CNOT8: variants seen among roughly 807,000 people sequenced by gnomAD.
CNOT8 encodes CCR4-NOT transcription complex subunit 8.
A neutral mutation model predicts 34.6 loss-of-function variants in CNOT8; 18 were observed. That is an observed-to-expected ratio of 0.52 (90% CI 0.36 to 0.77). The LOEUF (loss-of-function observed/expected upper bound fraction) is 0.77. Ranked by LOEUF, CNOT8 falls within the 30% of genes least tolerant of loss-of-function variation. The pLI, the probability that CNOT8 is intolerant of heterozygous loss-of-function variation, is 0.00. For synonymous variants in CNOT8, 101 were observed against 118.8 expected (o/e 0.85, Z 0.98); for missense variants, 189 against 347.9 (o/e 0.54, Z 3.63).
chr5:154,863,538 T>C, intron 2 of CNOT8, 143 bp downstream of exon 2: 1 of 682,776 alleles, frequency 1.5e-6, no homozygotes. Flanking sequence ...CAAGCAGTCC[T>C]CCCACCTCAC....
rs903562993 is a variant in CNOT8 at position 154,876,676 on chromosome 5, A to G, written c.*1237A>G. The G allele has an allele frequency of 1.3e-5, 2 of 152,566 alleles. No homozygotes were observed. The highest frequency in any genetic ancestry group is 4.8e-5 in the African/African-American group (2 of 41,412). 9.5% of individuals were successfully genotyped at this position (152,566 alleles called of 1,614,324 possible). On this transcript the variant is annotated 3_prime_UTR_variant, in exon 7 of 7. Transcript: ENST00000285896. ...CTTGCATTTTAAAAGCTTATGGGAA[A>G]CTCAATTTGAAATGATTAGAAAATG...
chr5:154,866,622 C>G (rs1054174645), intron 3 of CNOT8, among the ~76,000 whole-genome samples: 11 of 152,060 alleles, frequency 7.2e-5, no homozygotes, highest in African/African-American at 2.4e-4. Context: ...TGTTTACTTG[C>G]AGCCGGGCGT....
At chr5:154,864,010 G>A (rs1248690800) in intron 2 of CNOT8, among the ~76,000 whole-genome samples, 1 of 152,032 alleles carries the variant, frequency 6.6e-6, no homozygotes, top group Non-Finnish European at 1.5e-5. Flanking sequence ...ACACTGGCTG[G>A]AGAGAGAGAT....
intron 2 of CNOT8, among the ~76,000 whole-genome samples, chr5:154,863,602 CCTT>C (rs1484471580): frequency 6.6e-6 from 1 of 152,154 alleles, no homozygotes; most frequent in African/African-American, 2.4e-5. Flanking sequence ...GCTTGACTCA[CCTT>C]CTTATATGGA....
intron 3 of CNOT8, among the ~76,000 whole-genome samples, chr5:154,865,843 A>G (rs1403268705): frequency 6.6e-6 from 1 of 152,248 alleles, no homozygotes; most frequent in Non-Finnish European, 1.5e-5. Context: ...TAGAGTTGCC[A>G]TATGACCTAG....
chr5:154,874,136 A>G (rs1368810910), intron 6 of CNOT8, among the ~76,000 whole-genome samples: 1 of 152,158 alleles, frequency 6.6e-6, no homozygotes, highest in African/African-American at 2.4e-5. Context: ...AGCCCAGCCC[A>G]TTGCTCTGCC....
At chr5:154,871,579 AAAG>A in intron 4 of CNOT8, 148 bp from the exon 5 acceptor site, 1 of 649,498 alleles carries the variant, frequency 1.5e-6, no homozygotes, top group Non-Finnish European at 2.5e-6. Flanking sequence ...AAAAAAAAAA[AAAG>A]ATTCAGATTA....
chr5:154,863,223 T>G lies in CNOT8; in HGVS notation c.-56T>G, dbSNP rs1761524610. 1 of 1,193,016 alleles carries G rather than the reference T, an allele frequency of 8.4e-7. No individual in the cohort carries two copies. The highest frequency in any genetic ancestry group is 1.3e-6 in the Non-Finnish European group (1 of 797,000). 73.9% of individuals were successfully genotyped at this position (1,193,016 alleles called of 1,614,324 possible). Reference sequence around the variant, plus strand: ...ACAATCTAGATCAGACCAAACATTGTCTGGCTTGCACTGTAAAACTAGTTA... The same window carrying G: ...ACAATCTAGATCAGACCAAACATTGGCTGGCTTGCACTGTAAAACTAGTTA... On this transcript the variant is annotated 5_prime_UTR_variant, in exon 2 of 7. Coordinates refer to ENST00000285896, the MANE Select transcript of CNOT8 (RefSeq NM_001301073.2).
intron 6 of CNOT8, among the ~76,000 whole-genome samples, chr5:154,873,875 T>TG (rs2113401456): frequency 6.6e-6 from 1 of 152,272 alleles, no homozygotes; most frequent in African/African-American, 2.4e-5. Flanking sequence ...CACAATCTGG[T>TG]GGGGGAGAGT....
intron 6 of CNOT8, among the ~76,000 whole-genome samples, chr5:154,873,876 G>T (rs778314783): frequency 2.6e-5 from 4 of 152,144 alleles, no homozygotes; most frequent in African/African-American, 7.2e-5. Context: ...ACAATCTGGT[G>T]GGGGAGAGTG....
intron 3 of CNOT8, among the ~76,000 whole-genome samples, chr5:154,870,259 GT>G (rs956854767): frequency 1.3e-4 from 19 of 147,464 alleles, no homozygotes; most frequent in South Asian, 2.1e-4. Context: ...TGTTTGTTTT[GT>G]TTTTTTTGAG....
intron 6 of CNOT8, 60 bp from the exon 7 acceptor site, chr5:154,875,230 T>A: frequency 6.3e-7 from 1 of 1,578,892 alleles, no homozygotes; most frequent in South Asian, 1.1e-5. Context: ...TGTGATAATA[T>A]TTATACTTGT....
At chr5:154,874,868 T>C (rs992666778) in intron 6 of CNOT8, among the ~76,000 whole-genome samples, 1 of 151,896 alleles carries the variant, frequency 6.6e-6, no homozygotes, top group Non-Finnish European at 1.5e-5. Context: ...TTTTCTAGTT[T>C]GGTATATTTT....
At chr5:154,862,913 T>C (rs186658999) in intron 1 of CNOT8, among the ~76,000 whole-genome samples, 16 of 152,330 alleles carry the variant, frequency 1.1e-4, no homozygotes, top group Admixed American at 2.6e-4. Flanking sequence ...TATTTTGGTC[T>C]AGTCTACAGA....
At chr5:154,859,606 C>G (rs917855159) in intron 1 of CNOT8, 1 of 152,164 alleles carries the variant, frequency 6.6e-6, no homozygotes, top group Non-Finnish European at 1.5e-5. Context: ...GTTCAGTCCT[C>G]TAGAATAAGG....
intron 1 of CNOT8, among the ~76,000 whole-genome samples, 173 bp from the exon 2 acceptor site, chr5:154,863,034 C>CAT (rs1761502155): frequency 6.6e-6 from 1 of 151,786 alleles, no homozygotes; most frequent in South Asian, 2.1e-4. Flanking sequence ...TGCGTGTGTG[C>CAT]ATGTGTGTGT....
chr5:154,867,391 A>G (rs1561684112), intron 3 of CNOT8, among the ~76,000 whole-genome samples: 1 of 152,160 alleles, frequency 6.6e-6, no homozygotes, highest in Admixed American at 6.5e-5. Context: ...TTTTTTCATG[A>G]CAGAGTCTTT....
At chr5:154,866,772 G>A (rs974480376) in intron 3 of CNOT8, among the ~76,000 whole-genome samples, 17 of 152,100 alleles carry the variant, frequency 1.1e-4, no homozygotes, top group Admixed American at 5.2e-4. Flanking sequence ...AATTAGCTGG[G>A]TATGCTGGCA....
chr5:154,863,949 G>GA (rs543162242), intron 2 of CNOT8, among the ~76,000 whole-genome samples: 59 of 147,082 alleles, frequency 4.0e-4, no homozygotes, highest in East Asian at 7.9e-4. Flanking sequence ...TGGCATCTCT[G>GA]AAAAAAAAAA....
Sources: allele counts gnomAD v4.1 joint callset (sites outside exome capture counted in the v4.1 genomes callset), GRCh38; gene constraint gnomAD v4.1.1; transcripts MANE v1.5; gene names NCBI Gene and HGNC (gene_info 2026-07-23, HGNC 2026-07-21).